Variants in STAMBPL1 observed in about 807,000 individuals in gnomAD.
STAMBPL1 encodes AMSH-like protease.
STAMBPL1 carries 44 observed loss-of-function variants against 52.9 expected under a neutral mutation model. The observed-to-expected ratio is 0.83, with a 90% CI of 0.65 to 1.07. The LOEUF (loss-of-function observed/expected upper bound fraction) is 1.07. STAMBPL1 is among the 50% of genes least tolerant of loss of function. The pLI is 0.00. For missense variants in STAMBPL1, 511 were observed against 520.8 expected (o/e 0.98, Z 0.18); for synonymous variants, 164 against 177.3 (o/e 0.92, Z 0.60).
chr10:88,886,661 T>C (rs1844542083), intron 1 of STAMBPL1, among the ~76,000 whole-genome samples: 2 of 152,202 alleles, frequency 1.3e-5, no homozygotes, highest in Non-Finnish European at 2.9e-5. Flanking sequence ...GATTTGATGC[T>C]TCTCTGGGTT....
intron 3 of STAMBPL1, among the ~76,000 whole-genome samples, chr10:88,907,645 C>T (rs1845108664): frequency 6.6e-6 from 1 of 152,116 alleles, no homozygotes; most frequent in Non-Finnish European, 1.5e-5. Context: ...CTTATTCTTC[C>T]TGGGCCTTAG....
intron 8 of STAMBPL1, among the ~76,000 whole-genome samples, chr10:88,919,162 A>G (rs17114152): frequency 0.19 from 28,676 of 152,104 alleles, 2,920 homozygotes; most frequent in African/African-American, 0.26. Flanking sequence ...GACTTTAGAC[A>G]TTTTGGTTTA....
At chr10:88,916,203 A>G (rs1191650982) in intron 7 of STAMBPL1, among the ~76,000 whole-genome samples, 6 of 152,120 alleles carry the variant, frequency 3.9e-5, no homozygotes, top group African/African-American at 1.2e-4. Flanking sequence ...GACATTAAAT[A>G]TAATTAGTAA....
At chr10:88,899,144 G>T (rs1178342799) in intron 1 of STAMBPL1, among the ~76,000 whole-genome samples, 1 of 152,196 alleles carries the variant, frequency 6.6e-6, no homozygotes, top group Admixed American at 6.5e-5. Flanking sequence ...GATTTCTCTG[G>T]CCTTCCTAGA....
intron 5 of STAMBPL1, chr10:88,912,497 A>T (rs1845251021): frequency 6.6e-6 from 1 of 152,204 alleles, no homozygotes; most frequent in African/African-American, 2.4e-5. Context: ...ATTCCTTCTT[A>T]TCCATAAATT....
At chr10:88,915,468 G>A (rs891367684) in intron 7 of STAMBPL1, among the ~76,000 whole-genome samples, 4 of 152,314 alleles carry the variant, frequency 2.6e-5, no homozygotes, top group East Asian at 1.9e-4. Context: ...TGGCAGCACA[G>A]GAGAATGGGC....
chr10:88,891,615 C>T (rs753411584), intron 1 of STAMBPL1, among the ~76,000 whole-genome samples: 2 of 152,100 alleles, frequency 1.3e-5, no homozygotes, highest in Non-Finnish European at 2.9e-5. Context: ...AAATCAATAA[C>T]ATATGTCTCC....
At chr10:88,898,718 A>G (rs1355067514) in intron 1 of STAMBPL1, among the ~76,000 whole-genome samples, 4 of 152,212 alleles carry the variant, frequency 2.6e-5, no homozygotes, top group African/African-American at 9.6e-5. Flanking sequence ...GAAGCTCATT[A>G]CAGAGATGTT....
rs189039488 is a variant in STAMBPL1 at position 88,888,322 on chromosome 10, C to G, written c.-54+7684C>G. Among the ~76,000 whole-genome samples the G allele has an allele frequency of 1.8e-3, 271 of 152,140 alleles. 1 individual carries two copies. Among genetic ancestry groups the G allele is most frequent in the African/African-American group, 6.2e-3 (259 of 41,474 alleles). On this transcript the variant is annotated intron_variant, in intron 1 of 10. Coordinates refer to ENST00000371926, the MANE Select transcript of STAMBPL1 (RefSeq NM_020799.4). ...AGTTACTATGGTGCAGTTTTTGAGCCGGGGACTAACTGGATGCAAACAAGT... is the reference window on the plus strand; with the variant it reads ...AGTTACTATGGTGCAGTTTTTGAGCGGGGGACTAACTGGATGCAAACAAGT...
intron 2 of STAMBPL1, among the ~76,000 whole-genome samples, chr10:88,902,240 A>G (rs1006538853): frequency 3.9e-5 from 6 of 152,186 alleles, no homozygotes; most frequent in African/African-American, 1.4e-4. Context: ...GCTACATCAC[A>G]TGGGCTTATT....
In STAMBPL1 at chr10:88,906,578, C is replaced by T. The variant is rs550135101; in HGVS notation, c.248+918C>T. 5.3e-5 allele frequency among the ~76,000 whole-genome samples: 8 copies of T among 152,088 alleles called. No homozygotes were observed. The South Asian group carries it at 1.7e-3, about 32-fold the overall frequency. On this transcript the variant is annotated intron_variant, in intron 3 of 10. Transcript: ENST00000371926. ...ATATATGCTTATATTGTGGAATGAC[C>T]AAGTCAAGACAATTAACATATTTAT... is the stretch of plus-strand genomic sequence containing the variant.
At chr10:88,921,957 C>A (rs1845522916) in intron 9 of STAMBPL1, among the ~76,000 whole-genome samples, 1 of 152,178 alleles carries the variant, frequency 6.6e-6, no homozygotes, top group Admixed American at 6.5e-5. Context: ...CCTGGTACCA[C>A]AGCAGGTACT....
intron 3 of STAMBPL1, among the ~76,000 whole-genome samples, chr10:88,907,054 G>C (rs1845092411): frequency 6.6e-6 from 1 of 151,746 alleles, no homozygotes; most frequent in Non-Finnish European, 1.5e-5. Flanking sequence ...ATAGCTACCA[G>C]ACTACTCTCT....
chr10:88,919,604 G>A (rs1473596960), intron 8 of STAMBPL1, among the ~76,000 whole-genome samples: 2 of 152,046 alleles, frequency 1.3e-5, no homozygotes, highest in Non-Finnish European at 2.9e-5. Flanking sequence ...AGACATAGAC[G>A]GCTCTATTTT....
intron 4 of STAMBPL1, among the ~76,000 whole-genome samples, chr10:88,909,011 T>C (rs927213630): frequency 6.6e-6 from 1 of 152,196 alleles, no homozygotes; most frequent in Non-Finnish European, 1.5e-5. Context: ...TACCTAATAG[T>C]GTGAGGAAGG....
chr10:88,886,309 C>G (rs1267163556), intron 1 of STAMBPL1, among the ~76,000 whole-genome samples: 1 of 152,108 alleles, frequency 6.6e-6, no homozygotes, highest in South Asian at 2.1e-4. Context: ...ATCCTTGGTA[C>G]CCAGCATGCA....
At chr10:88,899,261 A>T (rs1844885698) in intron 1 of STAMBPL1, among the ~76,000 whole-genome samples, 1 of 152,140 alleles carries the variant, frequency 6.6e-6, no homozygotes, top group Admixed American at 6.5e-5. Context: ...CTCTCAAAGT[A>T]TTGTTTGGAA....
intron 4 of STAMBPL1, among the ~76,000 whole-genome samples, chr10:88,910,659 A>C (rs778305175): frequency 1.3e-5 from 2 of 152,234 alleles, no homozygotes; most frequent in Non-Finnish European, 2.9e-5. Flanking sequence ...TACATTTTAT[A>C]GCATTGGGCT....
At chr10:88,922,831 A>G (rs2133224456) in intron 10 of STAMBPL1, among the ~76,000 whole-genome samples, 1 of 152,230 alleles carries the variant, frequency 6.6e-6, no homozygotes, top group Admixed American at 6.5e-5. Flanking sequence ...GGAAACTATG[A>G]TCATACTTCT....
Sources: allele counts gnomAD v4.1 joint callset (sites outside exome capture counted in the v4.1 genomes callset), GRCh38; gene constraint gnomAD v4.1.1; transcripts MANE v1.5; gene names NCBI Gene and HGNC (gene_info 2026-07-23, HGNC 2026-07-21).